The following UPF2 variants were observed in gnomAD, a reference collection of about 807,000 sequenced individuals.
UPF2 encodes the protein regulator of nonsense transcripts 2.
In UPF2, 17 loss-of-function variants were observed where a neutral mutation model predicts 141.4. That is an observed-to-expected ratio of 0.12 (90% CI 0.08 to 0.18). The LOEUF is 0.18. Ranked by LOEUF, UPF2 falls within the 10% of genes least tolerant of loss-of-function variation. UPF2 has a pLI of 1.00. For missense variants in UPF2, 1,152 were observed against 1,515.9 expected (o/e 0.76, Z 3.99); for synonymous variants, 540 against 498.0 (o/e 1.08, Z -1.12).
At chr10:11,957,116 A>C (rs1243971321) in intron 12 of UPF2, among the ~76,000 whole-genome samples, 1 of 149,824 alleles carries the variant, frequency 6.7e-6, no homozygotes, top group Non-Finnish European at 1.5e-5. Flanking sequence ...CACCATGCCC[A>C]GTATGGAGTA....
intron 3 of UPF2, chr10:12,026,584 A>G (rs1703034446): frequency 2.3e-6 from 1 of 444,318 alleles, no homozygotes; most frequent in Non-Finnish European, 4.5e-6. Context: ...TCCTTCCCCA[A>G]CCACTGGACA....
chr10:11,999,277 G>T (rs1300365251), intron 7 of UPF2, among the ~76,000 whole-genome samples: 1 of 151,968 alleles, frequency 6.6e-6, no homozygotes, highest in Non-Finnish European at 1.5e-5. Flanking sequence ...ACTTCGGGAG[G>T]CCAAGGCAGG....
In UPF2 at chr10:11,939,495, T is replaced by C. The variant is rs1832909430; in HGVS notation, c.3379-2783A>G. Among the ~76,000 whole-genome samples the C allele has an allele frequency of 6.6e-6, 1 of 150,524 alleles. No homozygotes were observed. Among genetic ancestry groups the C allele is most frequent in the Non-Finnish European group, 1.5e-5 (1 of 67,918 alleles). On this transcript the variant is annotated intron_variant, in intron 18 of 21. Transcript: ENST00000357604. This position sits in a 1 kb window ranked among gnomAD's most constrained non-coding sequence, Gnocchi z 4.8. ...AATCTGTTCCTGTATCAAACTATTA[T>C]TGTCAGTTTAAAATGTTTTATCTTT...
intron 14 of UPF2, among the ~76,000 whole-genome samples, chr10:11,954,400 G>A (rs960287101): frequency 4.7e-4 from 72 of 151,902 alleles, no homozygotes; most frequent in Non-Finnish European, 4.6e-4. Context: ...TTGGGAGGCC[G>A]AGGTGGGCAG....
At chr10:12,015,363 T>G (rs1834199788) in intron 3 of UPF2, among the ~76,000 whole-genome samples, 1 of 152,192 alleles carries the variant, frequency 6.6e-6, no homozygotes, top group African/African-American at 2.4e-5. Context: ...GTCAAAACTT[T>G]CCCATTTTAC....
At chr10:12,021,969 GTC>G (rs1440203513) in intron 3 of UPF2, among the ~76,000 whole-genome samples, 2 of 152,128 alleles carry the variant, frequency 1.3e-5, no homozygotes, top group Non-Finnish European at 2.9e-5. Context: ...GTGAAACCCT[GTC>G]TCTGCTAAAA....
intron 3 of UPF2, among the ~76,000 whole-genome samples, chr10:12,020,763 A>G (rs1173944575): frequency 6.6e-6 from 1 of 152,232 alleles, no homozygotes; most frequent in African/African-American, 2.4e-5. Context: ...AGATGGGAAA[A>G]CTGAAGCACA....
chr10:11,922,074 G>T (rs949165298), intron 21 of UPF2, among the ~76,000 whole-genome samples: 4 of 152,126 alleles, frequency 2.6e-5, no homozygotes, highest in African/African-American at 9.7e-5. Context: ...GAAGACAAAG[G>T]CGGAGACCAG....
chr10:12,013,531 C>A (rs112179348), intron 4 of UPF2, among the ~76,000 whole-genome samples: 1 of 152,172 alleles, frequency 6.6e-6, no homozygotes, highest in East Asian at 1.9e-4. Flanking sequence ...CCTCGGCCTC[C>A]CAAAGTGCTA....
chr10:12,025,908 C>T (rs1834411492), intron 3 of UPF2, among the ~76,000 whole-genome samples: 1 of 152,174 alleles, frequency 6.6e-6, no homozygotes, highest in Non-Finnish European at 1.5e-5. Flanking sequence ...GATCCTCCCA[C>T]CTCAGCCCCC....
Position 11,936,472 on chromosome 10 carries a change from A to C in UPF2, c.3546+73T>G. 1 of 1,443,670 alleles carries C rather than the reference A, an allele frequency of 6.9e-7. No homozygotes were observed. The highest frequency in any genetic ancestry group is 9.3e-7 in the Non-Finnish European group (1 of 1,077,970). The allele number at this position is 1,443,670 out of a possible 1,614,324, so 89.4% of individuals were successfully genotyped here. On this transcript the variant is annotated intron_variant, in intron 19 of 21. Coordinates refer to ENST00000357604, the MANE Select transcript of UPF2 (RefSeq NM_015542.4). This position sits in a 1 kb window ranked among gnomAD's most constrained non-coding sequence, Gnocchi z 6.6. ...AACTGTCCAACCCTTATCCCCTTGT[A>C]GGTCAAAGATAAGTTAAAACCTAAC...
Position 12,014,085 on chromosome 10 carries a change from G to A in UPF2, c.1245C>T (p.Ser415=). The A allele has an allele frequency of 6.2e-7, 1 of 1,600,456 alleles. No individual in the cohort carries two copies. Among genetic ancestry groups the A allele is most frequent in the Non-Finnish European group, 8.5e-7 (1 of 1,172,690 alleles). The change falls in exon 4 of 22, where the codon TCC becomes TCT. Residue 415 remains serine, a synonymous_variant. Transcript: ENST00000357604. The surrounding 1 kb of genome is among the most constrained non-coding windows in gnomAD (Gnocchi z 5.0). ...TATTTTCATCCAAAAGGTCTGCTAA[G>A]GATTGAGAATTTGCCAGCAGCTTCT... ...SYQKLLANSQ[S]LADLLDENMP...
chr10:11,942,762 T>A lies in UPF2; in HGVS notation c.3281A>T (p.Glu1094Val). The part of the protein sequence containing the change: ...KENETDEENT[E>V]VMIKGGGLKH... ...AAGTCCACCGCCTTTAATCATTACC[T>A]CCTTATTAAAACAAAACAACAAAAT... Residue 1094 changes from glutamate to valine, a missense_variant and splice_region_variant, in exon 18 of 22, where the codon GAG becomes GTG. Around this residue, in one of 4 missense-constraint regions of UPF2, gnomAD observed 202 missense variants for 223.6 expected, o/e 0.90. Coordinates refer to ENST00000357604, the MANE Select transcript of UPF2 (RefSeq NM_015542.4). The A allele has an allele frequency of 6.2e-7, 1 of 1,612,762 alleles. No individual in the cohort carries two copies. Among genetic ancestry groups the A allele is most frequent in the Non-Finnish European group, 8.5e-7 (1 of 1,179,412 alleles).
chr10:12,033,862 A>G (rs1490380338), intron 2 of UPF2, among the ~76,000 whole-genome samples: 2 of 152,088 alleles, frequency 1.3e-5, no homozygotes, highest in African/African-American at 4.8e-5. Flanking sequence ...TAAGTTTTAT[A>G]TTTAGAGAAG....
chr10:11,972,418 G>A (rs148469105), intron 9 of UPF2, among the ~76,000 whole-genome samples: 12,699 of 152,114 alleles, frequency 0.083, 697 homozygotes, highest in Non-Finnish European at 0.12. Context: ...GTTCTAGGGT[G>A]CATGTGCACA....
At chr10:11,955,543 A>T in intron 13 of UPF2, 36 bp from the exon 14 acceptor site, 1 of 1,576,140 alleles carries the variant, frequency 6.3e-7, no homozygotes, top group South Asian at 1.2e-5. Context: ...TTCATTAAAG[A>T]GGAGTAGTGT....
chr10:11,960,861 A>G (rs560903689), intron 11 of UPF2, among the ~76,000 whole-genome samples: 1 of 151,978 alleles, frequency 6.6e-6, no homozygotes, highest in Non-Finnish European at 1.5e-5. Flanking sequence ...GGAGGCCAAG[A>G]CAAGAGGATC....
intron 9 of UPF2, among the ~76,000 whole-genome samples, chr10:11,967,716 G>A (rs941654540): frequency 2.0e-5 from 3 of 151,566 alleles, no homozygotes; most frequent in Non-Finnish European, 2.9e-5. Context: ...CACCCAGCTG[G>A]GTAATTTTTT....
Position 11,959,443 on chromosome 10 carries a change from T to C in UPF2, c.2185-87A>G. 2.2e-6 allele frequency: 3 copies of C among 1,376,740 alleles called. No homozygotes were observed. Among genetic ancestry groups the C allele is most frequent in the South Asian group, 1.6e-5 (1 of 63,678 alleles). 85.3% of individuals were successfully genotyped at this position (1,376,740 alleles called of 1,614,324 possible). On this transcript the variant is annotated intron_variant, in intron 11 of 21. Transcript: ENST00000357604. This position sits in a 1 kb window ranked among gnomAD's most constrained non-coding sequence, Gnocchi z 5.9. ...TAAACTTCTATTCTCAGTGATTTGC[T>C]ATTTCAAAGTAATGGGTTAGAAAGG... is the stretch of plus-strand genomic sequence containing the variant.
Sources: gnomAD v4.1 joint callset for allele counts (sites outside exome capture counted in the v4.1 genomes callset) on GRCh38, gnomAD v4.1.1 for gene constraint, gnomAD v4.1.1 regional missense constraint, Gnocchi (gnomAD v3.1) non-coding constraint, MANE v1.5 for transcripts, NCBI Gene and HGNC (gene_info 2026-07-23, HGNC 2026-07-21) for gene names.